The following NELL1 variants were observed in gnomAD, a reference collection of about 807,000 sequenced individuals.
NELL1 encodes the protein neural EGFL like 1.
NELL1 carries 76 observed loss-of-function variants against 107.4 expected under a neutral mutation model. The ratio of observed to expected loss-of-function variants is 0.71; its 90% CI spans 0.59 to 0.86. The LOEUF is 0.86. Among genes scored for constraint, NELL1 ranks in the 40% least tolerant of loss-of-function variants. The probability of loss-of-function intolerance (pLI) is 0.00; values close to 1 mark genes in which losing one functional copy is unlikely to be tolerated. For missense variants in NELL1, 1,024 were observed against 1,005.5 expected, an observed-to-expected ratio of 1.02 and a Z score of -0.25; for synonymous variants, 353 against 341.2, an observed-to-expected ratio of 1.03 and a Z score of -0.38.
In NELL1 at chr11:21,575,058, G is replaced by T; in HGVS notation, c.*36G>T. ...GTGGACTCAACGCAGAAGAATGGAC[G>T]AAATGACCATCCAACGTGATTAAGG... On this transcript the variant is annotated 3_prime_UTR_variant, in exon 20 of 20. Coordinates refer to ENST00000357134, the MANE Select transcript of NELL1 (RefSeq NM_006157.5). The T allele has an allele frequency of 6.5e-7, 1 of 1,538,336 alleles. No homozygotes were observed. Among genetic ancestry groups the T allele is most frequent in the Non-Finnish European group, 9.0e-7 (1 of 1,112,420 alleles).
At chr11:20,987,412 A>G (rs1851875328) in intron 12 of NELL1, among the ~76,000 whole-genome samples, 1 of 152,174 alleles carries the variant, frequency 6.6e-6, no homozygotes, top group Admixed American at 6.5e-5. Context: ...AGTAATTTAT[A>G]AAGGAAAGAG....
chr11:21,113,586 C>T lies in NELL1; in HGVS notation c.1301-3C>T. 1 of 1,604,328 alleles carries T rather than the reference C, an allele frequency of 6.2e-7. No homozygotes were observed. The highest frequency in any genetic ancestry group is 8.5e-7 in the Non-Finnish European group (1 of 1,175,672). On this transcript the variant is annotated splice_region_variant and splice_polypyrimidine_tract_variant and intron_variant, in intron 12 of 19. Transcript: ENST00000357134. ...ATGATCTTACTTATTTTTTTTCCTT[C>T]AGATATTGATGAGTGTGCAGCTAAG...
At chr11:20,720,936 C>T (rs755443305) in intron 2 of NELL1, among the ~76,000 whole-genome samples, 25 of 152,054 alleles carry the variant, frequency 1.6e-4, no homozygotes, top group Non-Finnish European at 2.9e-4. Flanking sequence ...CAGTTCAGTG[C>T]ATAACACATC....
chr11:21,218,652 C>T (rs1287257524), intron 13 of NELL1, among the ~76,000 whole-genome samples: 2 of 152,138 alleles, frequency 1.3e-5, no homozygotes, highest in East Asian at 3.9e-4. Context: ...TATCTACTAT[C>T]TTTTCCAGCT....
intron 3 of NELL1, among the ~76,000 whole-genome samples, chr11:20,811,098 G>A (rs984851302): frequency 2.0e-5 from 3 of 152,052 alleles, no homozygotes; most frequent in Non-Finnish European, 2.9e-5. Flanking sequence ...GATTTCTCAC[G>A]TGTTTTCTTT....
chr11:21,561,694 A>G (rs776376718), intron 17 of NELL1, among the ~76,000 whole-genome samples: 3 of 152,080 alleles, frequency 2.0e-5, no homozygotes, highest in Non-Finnish European at 4.4e-5. Flanking sequence ...AAAACCAGTT[A>G]GGTAACTGGT....
chr11:20,741,089 C>A (rs1052904311), intron 2 of NELL1, among the ~76,000 whole-genome samples: 2 of 151,998 alleles, frequency 1.3e-5, no homozygotes, highest in Non-Finnish European at 2.9e-5. Context: ...GCCCCTCCCC[C>A]ACCCCATCCC....
chr11:20,679,031 G>A lies in NELL1; in HGVS notation c.184+971G>A, dbSNP rs535232119. Among the ~76,000 whole-genome samples, 24 of 152,250 alleles carry A rather than the reference G, an allele frequency of 1.6e-4. No individual in the cohort carries two copies. The South Asian group carries it at 3.5e-3, about 22-fold the overall frequency. On this transcript the variant is annotated intron_variant, in intron 2 of 19. Transcript: ENST00000357134. ...GGCAAAAGCCAACAAAAAGACTTTC[G>A]CATGGCGGAAGGGTGGTGAATGTCT...
chr11:20,847,789 C>A, intron 4 of NELL1, 36 bp downstream of exon 4: 2 of 1,564,406 alleles, frequency 1.3e-6, no homozygotes, highest in East Asian at 2.3e-5. Flanking sequence ...TGATTCTGCC[C>A]TTGAAATCAA....
chr11:21,340,536 A>G (rs912120359), intron 14 of NELL1, among the ~76,000 whole-genome samples: 1 of 151,170 alleles, frequency 6.6e-6, no homozygotes, highest in African/African-American at 2.4e-5. Context: ...TTTACTTGGA[A>G]ATAAGGTCAT....
intron 14 of NELL1, among the ~76,000 whole-genome samples, chr11:21,239,147 C>T (rs942125661): frequency 6.6e-6 from 1 of 152,018 alleles, no homozygotes; most frequent in African/African-American, 2.4e-5. Context: ...TTTCTCCTTA[C>T]CATCTTCCCT....
chr11:20,760,720 G>A (rs900278571), intron 2 of NELL1, among the ~76,000 whole-genome samples: 3 of 152,148 alleles, frequency 2.0e-5, no homozygotes, highest in Non-Finnish European at 4.4e-5. Flanking sequence ...GATTTCTTAG[G>A]ATTTCAAGCA....
At position 20,677,981 on chromosome 11, in the gene NELL1, G is replaced by T. The variant is rs1390473900; in HGVS notation, c.105G>T (p.Glu35Asp). 2 of 1,614,006 alleles carry T rather than the reference G, an allele frequency of 1.2e-6. No homozygotes were observed. The highest frequency in any genetic ancestry group is 2.7e-5 in the African/African-American group (2 of 74,910). Residue 35 changes from glutamate to aspartate, a missense_variant, in exon 2 of 20, where the codon GAG becomes GAT. Glu to Asp is a conservative substitution (Grantham distance 45, BLOSUM62 2). Transcript: ENST00000357134. ...DPDLQMDIVT[E>D]LDLVNTTLGV... is the part of the protein sequence containing the mutation. The stretch of plus-strand genomic sequence containing the variant: ...ACCTTCAGATGGATATCGTCACCGA[G>T]CTTGACCTTGTGAACACCACCCTTG...
Position 21,279,919 on chromosome 11 carries a change from G to A in NELL1, c.1549+50465G>A, listed in dbSNP as rs146515177. On this transcript the variant is annotated intron_variant, in intron 14 of 19. Transcript: ENST00000357134. Reference sequence around the variant, plus strand: ...GAACTATCAAGCCATGAAAAGAAACGGAGGAAACGTAAATGCACAATACTA... The same window carrying A: ...GAACTATCAAGCCATGAAAAGAAACAGAGGAAACGTAAATGCACAATACTA... Among the ~76,000 whole-genome samples the A allele has an allele frequency of 4.8e-3, 725 of 152,286 alleles. 6 individuals are homozygous for A. Among genetic ancestry groups the A allele is most frequent in the African/African-American group, 0.017 (689 of 41,550 alleles).
intron 14 of NELL1, among the ~76,000 whole-genome samples, chr11:21,263,651 A>T (rs940382329): frequency 1.3e-5 from 2 of 151,938 alleles, no homozygotes; most frequent in Non-Finnish European, 2.9e-5. Flanking sequence ...CCAGGTGTAT[A>T]CCTAGTTTTT....
In NELL1 at chr11:21,575,239, T is replaced by C; in HGVS notation, c.*217T>C. The C allele has an allele frequency of 1.9e-6, 1 of 513,288 alleles. No individual in the cohort carries two copies. Among genetic ancestry groups the C allele is most frequent in the Non-Finnish European group, 3.5e-6 (1 of 284,448 alleles). 31.8% of individuals were successfully genotyped at this position (513,288 alleles called of 1,614,324 possible). Reference sequence around the variant, plus strand: ...CTAGTCTAGGTGACCTACAGTGCCGTGCATTTAAGTCAATGGTTGTTAAAA... The same window carrying C: ...CTAGTCTAGGTGACCTACAGTGCCGCGCATTTAAGTCAATGGTTGTTAAAA... On this transcript the variant is annotated 3_prime_UTR_variant, in exon 20 of 20. Transcript: ENST00000357134.
intron 13 of NELL1, among the ~76,000 whole-genome samples, chr11:21,227,918 TC>T (rs1223648527): frequency 3.3e-5 from 5 of 152,196 alleles, no homozygotes; most frequent in Admixed American, 1.3e-4. Context: ...CATTACTGGG[TC>T]CCCATTAGGA....
Position 21,213,439 on chromosome 11 carries a change from T to A in NELL1, c.1427-15893T>A, listed in dbSNP as rs115500343. ...ATAATTTTGAATTGAATATTAAGGA[T>A]TTTTTTATAGATACTGTAATCAATT... On this transcript the variant is annotated intron_variant, in intron 13 of 19. Coordinates refer to ENST00000357134, the MANE Select transcript of NELL1 (RefSeq NM_006157.5). 4.5e-3 allele frequency among the ~76,000 whole-genome samples: 688 copies of A among 152,136 alleles called. 6 individuals are homozygous for A. Among genetic ancestry groups the A allele is most frequent in the African/African-American group, 0.016 (657 of 41,538 alleles).
In NELL1 at chr11:20,916,439, G is replaced by T. The variant is rs542214000; in HGVS notation, c.604-1743G>T. Among the ~76,000 whole-genome samples the T allele has an allele frequency of 3.3e-5, 5 of 152,032 alleles. No homozygotes were observed. The East Asian group carries it at 9.7e-4, about 29-fold the overall frequency. ...CTTGCTTTAGGATTAGCGGGATGGG[G>T]TATTATTTTAAAATGAGTTTTCAGT... On this transcript the variant is annotated intron_variant, in intron 5 of 19. Coordinates refer to ENST00000357134, the MANE Select transcript of NELL1 (RefSeq NM_006157.5).
Sources: allele counts gnomAD v4.1 joint callset (sites outside exome capture counted in the v4.1 genomes callset), GRCh38; gene constraint gnomAD v4.1.1; transcripts MANE v1.5; gene names NCBI Gene and HGNC (gene_info 2026-07-23, HGNC 2026-07-21).